The following NBPF20 variants were observed in gnomAD, a reference collection of about 807,000 sequenced individuals.
NBPF20 encodes NBPF member 20, also known as NBPF family member NBPF20.
A neutral mutation model predicts 68.1 loss-of-function variants in NBPF20; 90 were observed. That is an observed-to-expected ratio of 1.32 (90% CI 1.11 to 1.58). The LOEUF is 1.58. Among genes scored for constraint, NBPF20 ranks in the 40% most tolerant of loss-of-function variants. NBPF20 has a pLI of 0.00. For missense variants in NBPF20, 816 were observed against 601.2 expected (o/e 1.36, Z -3.74); for synonymous variants, 290 against 228.1 (o/e 1.27, Z -2.45).
chr1:145,402,797 A>G (rs1454888476), intron 3 of NBPF20, among the ~76,000 whole-genome samples: 6 of 150,162 alleles, frequency 4.0e-5, no homozygotes, highest in Admixed American at 2.7e-4. Flanking sequence ...AAGACGAAAG[A>G]AGAAAAGAAT....
In NBPF20 at chr1:145,372,397, G is replaced by T; in HGVS notation, c.4369+115C>A. The T allele has an allele frequency of 1.4e-5, 3 of 214,572 alleles. 1 individual carries two copies. The highest frequency in any genetic ancestry group is 2.5e-5 in the Non-Finnish European group (3 of 122,426). The allele number at this position is 214,572 out of a possible 1,614,324, so 13.3% of individuals were successfully genotyped here. On this transcript the variant is annotated intron_variant, in intron 36 of 137. Coordinates refer to ENST00000369373, the Ensembl canonical transcript of NBPF20. ...CATTACAACCTATATGCGCCCATAG[G>T]TCCTGCCTGCGGCAATGACATCTCT...
In NBPF20 at chr1:145,309,487, C is replaced by A. The variant is rs1239528046; in HGVS notation, c.13938-239G>T. 2.6e-5 allele frequency among the ~76,000 whole-genome samples: 2 copies of A among 77,342 alleles called. 1 individual carries two copies. The highest frequency in any genetic ancestry group is 5.0e-5 in the Non-Finnish European group (2 of 40,014). The allele number at this position is 77,342 out of a possible 152,430, so 50.7% of individuals were successfully genotyped here. On this transcript the variant is annotated intron_variant, in intron 115 of 137. Transcript: ENST00000369373. ...ACACACACACACACACACAGACACA[C>A]ACACACACACAGAGAGAGAGAACGA...
chr1:145,419,059 G>A, the NBPF20 span, among the ~76,000 whole-genome samples: 2 of 144,956 alleles, frequency 1.4e-5, no homozygotes, highest in Non-Finnish European at 3.0e-5. Flanking sequence ...AATGGAGGGA[G>A]GGAAGGAAGG....
the NBPF20 span, among the ~76,000 whole-genome samples, chr1:145,417,189 T>A: frequency 1.3e-5 from 2 of 150,450 alleles, no homozygotes; most frequent in Non-Finnish European, 3.0e-5. Flanking sequence ...TGATCTTCCA[T>A]GGAGGTTTAG....
intron 118 of NBPF20, among the ~76,000 whole-genome samples, chr1:145,307,205 A>AT (rs1419907964): frequency 8.1e-3 from 235 of 29,032 alleles, no homozygotes; most frequent in Admixed American, 0.016. Context: ...AGTTCTGTGA[A>AT]TTTTTTACAT....
chr1:145,424,806 T>C, the NBPF20 span, among the ~76,000 whole-genome samples: 11 of 152,300 alleles, frequency 7.2e-5, no homozygotes, highest in East Asian at 5.8e-4. Flanking sequence ...AATTTGAGGC[T>C]TGTCCCGCTA....
chr1:145,404,941 A>C (rs184472131), intron 2 of NBPF20, among the ~76,000 whole-genome samples, 157 bp downstream of exon 7: 27 of 152,102 alleles, frequency 1.8e-4, no homozygotes, highest in African/African-American at 6.3e-4. Context: ...ATACTTTGGT[A>C]CCTCTGTCTT....
the NBPF20 span, among the ~76,000 whole-genome samples, chr1:145,410,804 GTATATATATACGTATATA>G: frequency 4.1e-5 from 3 of 72,992 alleles, no homozygotes; most frequent in African/African-American, 1.3e-4. Context: ...ATACGTATAT[GTATATATATACGTATATA>G]TATATATATA....
intron 112 of NBPF20, among the ~76,000 whole-genome samples, chr1:145,311,851 G>A (rs1429710508): frequency 3.6e-5 from 4 of 110,298 alleles, no homozygotes; most frequent in African/African-American, 4.5e-5. Flanking sequence ...GATTGTTCAC[G>A]GTAGCGAGGA....
At chr1:145,423,549 T>C in the NBPF20 span, among the ~76,000 whole-genome samples, 1 of 151,696 alleles carries the variant, frequency 6.6e-6, no homozygotes, top group South Asian at 2.1e-4. Flanking sequence ...ATATATATCG[T>C]AGAAAGGACA....
chr1:145,415,167 AAAG>A, the NBPF20 span, among the ~76,000 whole-genome samples: 89 of 151,786 alleles, frequency 5.9e-4, no homozygotes, highest in Non-Finnish European at 1.1e-3. Flanking sequence ...TAAACAAGGT[AAAG>A]AAAAAAGTGC....
the NBPF20 span, among the ~76,000 whole-genome samples, chr1:145,425,305 C>T: frequency 4.6e-5 from 7 of 151,530 alleles, no homozygotes; most frequent in Admixed American, 1.3e-4. Context: ...GCTGTGTACC[C>T]GCGGGTCCCG....
chr1:145,290,301 AG>A (rs1435978894), exon 138 of NBPF20: 1 of 149,194 alleles, frequency 6.7e-6, no homozygotes, highest in African/African-American at 2.6e-5. Flanking sequence ...TGTCTCTAAA[AG>A]GGACAGATCT....
intron 83 of NBPF20, among the ~76,000 whole-genome samples, chr1:145,334,832 A>T (rs1215602473): frequency 1.2e-4 from 16 of 138,838 alleles, no homozygotes; most frequent in African/African-American, 3.7e-4. Context: ...AGGGAGAGGG[A>T]GGGAGAGAGA....
At chr1:145,291,599 T>C (rs377296885) in exon 138 of NBPF20, 71 of 1,611,876 alleles carry the variant, frequency 4.4e-5, no homozygotes, top group Middle Eastern at 4.5e-4. Context: ...AAACCTATTG[T>C]CCACGTAAAG....
rs1432590873 is a variant in NBPF20 at position 145,393,583 on chromosome 1, G to T, written c.1043+301C>A. On this transcript the variant is annotated intron_variant, in intron 9 of 137. Coordinates refer to ENST00000369373, the Ensembl canonical transcript of NBPF20. ...GCTCTCAGGACACACTGTGAACAGTGATCATGAAAAGCATGTCCTCAATAA... is the reference window on the plus strand; with the variant it reads ...GCTCTCAGGACACACTGTGAACAGTTATCATGAAAAGCATGTCCTCAATAA... 124 of 648,822 alleles carry T rather than the reference G, an allele frequency of 1.9e-4. 4 individuals carry two copies. The highest frequency in any genetic ancestry group is 1.4e-3 in the African/African-American group (77 of 54,804). The allele number at this position is 648,822 out of a possible 1,614,324, so 40.2% of individuals were successfully genotyped here.
intron 123 of NBPF20, among the ~76,000 whole-genome samples, chr1:145,303,168 T>A (rs1661389560): frequency 7.8e-4 from 1 of 1,288 alleles, no homozygotes; most frequent in Non-Finnish European, 1.7e-3. Flanking sequence ...ATTGTCCAGG[T>A]GACACACTGA....
chr1:145,402,506 T>G lies in NBPF20; in HGVS notation c.279-125A>C, dbSNP rs79173369. The G allele has an allele frequency of 8.7e-4, 785 of 898,644 alleles. 3 individuals are homozygous for G. The highest frequency in any genetic ancestry group is 4.5e-3 in the African/African-American group (279 of 61,424). The allele number at this position is 898,644 out of a possible 1,614,324, so 55.7% of individuals were successfully genotyped here. A position where few individuals can be genotyped will look rare whatever the true frequency, so the allele number is the denominator to read the frequency against. On this transcript the variant is annotated intron_variant, in intron 3 of 137. Transcript: ENST00000369373. ...TCGAAGCAGAAGGTCAGCACATGTTTAAAGGAATGTCTGTGGCCAAGAGAA... is the reference window on the plus strand; with the variant it reads ...TCGAAGCAGAAGGTCAGCACATGTTGAAAGGAATGTCTGTGGCCAAGAGAA...
intron 7 of NBPF20, among the ~76,000 whole-genome samples, chr1:145,395,709 A>T (rs1335562207): frequency 2.0e-5 from 3 of 148,794 alleles, no homozygotes; most frequent in Non-Finnish European, 2.9e-5. Context: ...TCCCTGTTTG[A>T]GGGTCTGGAG....
Sources: gnomAD v4.1 joint callset for allele counts (sites outside exome capture counted in the v4.1 genomes callset) on GRCh38, gnomAD v4.1.1 for gene constraint, MANE v1.5 for transcripts, NCBI Gene and HGNC (gene_info 2026-07-23, HGNC 2026-07-21) for gene names.